Variants in TCF7L1 observed in about 807,000 individuals in gnomAD.
TCF7L1 encodes the protein transcription factor 7 like 1, also known as transcription factor 7-like 1.
A neutral mutation model predicts 63.7 loss-of-function variants in TCF7L1; 18 were observed. That is an observed-to-expected ratio of 0.28 (90% CI 0.20 to 0.42). TCF7L1 has a LOEUF of 0.42. TCF7L1 is among the 10% of genes least tolerant of loss of function. TCF7L1 has a pLI of 1.00. For synonymous variants in TCF7L1, 355 were observed against 340.9 expected (o/e 1.04, Z -0.46); for missense variants, 654 against 779.3 (o/e 0.84, Z 1.91).
intron 3 of TCF7L1, among the ~76,000 whole-genome samples, chr2:85,257,484 G>A (rs1000255877): frequency 2.0e-5 from 3 of 152,072 alleles, no homozygotes. Context: ...CCAGATTCTG[G>A]GGCTTCCCCA....
chr2:85,211,786 G>T (rs10208803), intron 3 of TCF7L1, among the ~76,000 whole-genome samples: 77,031 of 151,856 alleles, frequency 0.51, 19,868 homozygotes, highest in African/African-American at 0.56. Flanking sequence ...GTTAAAAAAG[G>T]CATGTAAAAA....
chr2:85,141,562 A>G (rs1390903029), intron 3 of TCF7L1, among the ~76,000 whole-genome samples: 1 of 152,186 alleles, frequency 6.6e-6, no homozygotes, highest in African/African-American at 2.4e-5. Context: ...CCATTTCAAA[A>G]GCCTGGCTAT....
At chr2:85,288,401 A>C (rs1412431633) in intron 4 of TCF7L1, among the ~76,000 whole-genome samples, 1 of 152,176 alleles carries the variant, frequency 6.6e-6, no homozygotes, top group South Asian at 2.1e-4. Flanking sequence ...GAGACATCCC[A>C]GTTTACTCCA....
intron 3 of TCF7L1, among the ~76,000 whole-genome samples, chr2:85,139,242 C>T (rs748859906): frequency 6.6e-6 from 1 of 152,138 alleles, no homozygotes; most frequent in Non-Finnish European, 1.5e-5. Context: ...CTCCTGACCT[C>T]GTGATCCACC....
At chr2:85,200,411 T>C (rs1460468229) in intron 3 of TCF7L1, among the ~76,000 whole-genome samples, 1 of 152,220 alleles carries the variant, frequency 6.6e-6, no homozygotes, top group Admixed American at 6.5e-5. Flanking sequence ...TATTATATAC[T>C]GTATTCTTAC....
intron 3 of TCF7L1, among the ~76,000 whole-genome samples, chr2:85,136,962 G>A (rs1011103251): frequency 1.5e-4 from 23 of 152,142 alleles, no homozygotes; most frequent in Admixed American, 1.0e-3. Flanking sequence ...AATGAATGTG[G>A]ATAGATACGA....
chr2:85,182,688 T>G (rs1160561952), intron 3 of TCF7L1, among the ~76,000 whole-genome samples: 1 of 152,172 alleles, frequency 6.6e-6, no homozygotes, highest in African/African-American at 2.4e-5. Context: ...ACTTTCAAAA[T>G]AACACCCCGA....
intron 3 of TCF7L1, among the ~76,000 whole-genome samples, chr2:85,201,315 A>G (rs1373176618): frequency 2.6e-5 from 4 of 152,246 alleles, no homozygotes; most frequent in African/African-American, 9.6e-5. Flanking sequence ...TTCTCTGACT[A>G]TAAATGGTGC....
chr2:85,274,138 C>T (rs1196639658), intron 3 of TCF7L1, among the ~76,000 whole-genome samples: 1 of 152,156 alleles, frequency 6.6e-6, no homozygotes, highest in South Asian at 2.1e-4. Flanking sequence ...CCAGTTTCCA[C>T]GAAGACACTT....
intron 3 of TCF7L1, among the ~76,000 whole-genome samples, chr2:85,141,304 C>T (rs1677731376): frequency 6.6e-6 from 1 of 152,084 alleles, no homozygotes; most frequent in Non-Finnish European, 1.5e-5. Flanking sequence ...GTTACTGGTG[C>T]CCATGGAGGG....
At chr2:85,216,050 A>T (rs1228241518) in intron 3 of TCF7L1, among the ~76,000 whole-genome samples, 2 of 152,016 alleles carry the variant, frequency 1.3e-5, no homozygotes, top group African/African-American at 4.8e-5. Context: ...TCTTGTGGTG[A>T]TGCTGGCCTG....
At chr2:85,199,540 C>G (rs1679227144) in intron 3 of TCF7L1, among the ~76,000 whole-genome samples, 1 of 152,142 alleles carries the variant, frequency 6.6e-6, no homozygotes, top group South Asian at 2.1e-4. Flanking sequence ...TTTGAAAACA[C>G]CAGTCCCCAA....
At chr2:85,185,598 T>C (rs1037827712) in intron 3 of TCF7L1, among the ~76,000 whole-genome samples, 1 of 152,080 alleles carries the variant, frequency 6.6e-6, no homozygotes, top group African/African-American at 2.4e-5. Flanking sequence ...GTGGCCCAGC[T>C]CCAGAGAGGG....
At chr2:85,269,229 G>A (rs114454464) in intron 3 of TCF7L1, among the ~76,000 whole-genome samples, 1,594 of 152,242 alleles carry the variant, frequency 0.01, 21 homozygotes, top group Middle Eastern at 0.044. Context: ...CATATTCCCT[G>A]GATGTCACTT....
In TCF7L1 at chr2:85,310,135, C is replaced by G. The variant is rs1053623730; in HGVS notation, c.*673C>G. The G allele has an allele frequency of 6.6e-6, 1 of 152,648 alleles. No individual in the cohort carries two copies. Among genetic ancestry groups the G allele is most frequent in the Non-Finnish European group, 1.5e-5 (1 of 68,074 alleles). 9.5% of individuals were successfully genotyped at this position (152,648 alleles called of 1,614,324 possible). On this transcript the variant is annotated 3_prime_UTR_variant, in exon 12 of 12. Transcript: ENST00000282111. ...CAGCGAAGAAGTCTGTGTTCCTCCCCGTCCTTGCCAGTGGCGATCATCCCT... is the reference window on the plus strand; with the variant it reads ...CAGCGAAGAAGTCTGTGTTCCTCCCGGTCCTTGCCAGTGGCGATCATCCCT...
At chr2:85,281,598 G>A (rs957028894) in intron 3 of TCF7L1, among the ~76,000 whole-genome samples, 1 of 152,164 alleles carries the variant, frequency 6.6e-6, no homozygotes, top group African/African-American at 2.4e-5. Flanking sequence ...GAAGAAGATA[G>A]GGTCAGCAGA....
At position 85,134,281 on chromosome 2, in the gene TCF7L1, C is replaced by G. The variant is rs201698429; in HGVS notation, c.314-42C>G. On this transcript the variant is annotated intron_variant, in intron 2 of 11. Coordinates refer to ENST00000282111, the MANE Select transcript of TCF7L1 (RefSeq NM_031283.3). The surrounding 1 kb of genome is among the most constrained non-coding windows in gnomAD (Gnocchi z 5.0). ...AGCCCCCTGCCGCGGCGCTGTCAGTCCCGGGGGCCTGGGCCTCACCTCGCC... is the reference window on the plus strand; with the variant it reads ...AGCCCCCTGCCGCGGCGCTGTCAGTGCCGGGGGCCTGGGCCTCACCTCGCC... The G allele has an allele frequency of 3.9e-6, 6 of 1,546,046 alleles. No homozygotes were observed. The African/African-American group carries it at 6.8e-5, about 18-fold the overall frequency.
intron 3 of TCF7L1, among the ~76,000 whole-genome samples, chr2:85,158,066 C>T (rs1323870254): frequency 6.6e-6 from 1 of 152,154 alleles, no homozygotes; most frequent in Non-Finnish European, 1.5e-5. Context: ...ACTGGAGTTG[C>T]TCCTGGGAAG....
intron 3 of TCF7L1, among the ~76,000 whole-genome samples, chr2:85,145,357 C>T (rs1677854777): frequency 6.6e-6 from 1 of 152,030 alleles, no homozygotes; most frequent in Non-Finnish European, 1.5e-5. Context: ...TGAGAGATGG[C>T]AACTGTGATT....
Sources: allele counts gnomAD v4.1 joint callset (sites outside exome capture counted in the v4.1 genomes callset), GRCh38; gene constraint gnomAD v4.1.1; non-coding constraint Gnocchi (gnomAD v3.1); transcripts MANE v1.5; gene names NCBI Gene and HGNC (gene_info 2026-07-23, HGNC 2026-07-21).